NRF1: variants seen among roughly 807,000 people sequenced by gnomAD.
The protein encoded by NRF1 is alpha palindromic-binding protein.
A neutral mutation model predicts 58.5 loss-of-function variants in NRF1; 5 were observed. That is an observed-to-expected ratio of 0.09 (90% CI 0.04 to 0.18). NRF1 has a LOEUF of 0.18. NRF1 is among the 10% of genes least tolerant of loss of function. The pLI is 1.00. For synonymous variants in NRF1, 224 were observed against 246.7 expected (o/e 0.91, Z 0.86); for missense variants, 288 against 657.7 (o/e 0.44, Z 6.15).
At chr7:129,678,425 T>G (rs1349735465) in intron 4 of NRF1, among the ~76,000 whole-genome samples, 1 of 152,212 alleles carries the variant, frequency 6.6e-6, no homozygotes, top group Non-Finnish European at 1.5e-5. Flanking sequence ...AAATGACATT[T>G]ATTAGATGTC....
intron 4 of NRF1, among the ~76,000 whole-genome samples, chr7:129,683,735 A>T (rs1802381926): frequency 6.8e-6 from 1 of 147,978 alleles, no homozygotes; most frequent in Non-Finnish European, 1.5e-5. Context: ...CCCAGGTTCA[A>T]GCAATTCTCT....
At position 129,643,471 on chromosome 7, in the gene NRF1, AT is replaced by A. The variant is rs372744564; in HGVS notation, c.-6-13872del. Among the ~76,000 whole-genome samples the A allele has an allele frequency of 7.1e-3, 1,077 of 152,284 alleles. 5 individuals are homozygous for A. The highest frequency in any genetic ancestry group is 0.012 in the Admixed American group (190 of 15,294). Reference sequence around the variant, plus strand: ...CTGCTATCACACATGGCAACTACTTATTTGATTTTTGGTAATTTGGGAGCAG... The same window carrying A: ...CTGCTATCACACATGGCAACTACTTATTGATTTTTGGTAATTTGGGAGCAG... On this transcript the variant is annotated intron_variant, in intron 1 of 10. Coordinates refer to ENST00000393232, the MANE Select transcript of NRF1 (RefSeq NM_005011.5).
rs1336740703 is a variant in NRF1, at chr7:129,711,538, G to A, written c.1027G>A (p.Val343Ile). ...TTCAGAATTGCCAACCACGGTCACCGTTGCCCAAGTGAATTATTCTGCCGT... is the reference window on the plus strand; with the variant it reads ...TTCAGAATTGCCAACCACGGTCACCATTGCCCAAGTGAATTATTCTGCCGT... ...DASELPTTVTVAQVNYSAVAD... is the reference protein window; with the variant it reads ...DASELPTTVTIAQVNYSAVAD... Residue 343 changes from valine to isoleucine, a missense_variant, in exon 8 of 11, where the codon GTT (valine) becomes ATT (isoleucine). Around this residue, in one of 3 missense-constraint regions of NRF1, gnomAD observed 212 missense variants for 559.7 expected, o/e 0.38. Coordinates refer to ENST00000393232, the MANE Select transcript of NRF1 (RefSeq NM_005011.5). 1 of 1,612,404 alleles carries A rather than the reference G, an allele frequency of 6.2e-7. No homozygotes were observed.
In NRF1 at chr7:129,634,042, A is replaced by AAATTT. The variant is rs1562954898; in HGVS notation, c.-7+22218_-7+22219insAATTT. On this transcript the variant is annotated intron_variant, in intron 1 of 10. Transcript: ENST00000393232. ...TACATCTGTATTTAAAAAAAAAAAA[A>AAATTT]GATATATATATATATATATACACAC... 8.4e-3 allele frequency among the ~76,000 whole-genome samples: 766 copies of AAATTT among 91,350 alleles called. 8 individuals carry two copies. The highest frequency in any genetic ancestry group is 0.029 in the African/African-American group (742 of 25,370). 59.9% of individuals were successfully genotyped at this position (91,350 alleles called of 152,430 possible).
intron 5 of NRF1, among the ~76,000 whole-genome samples, chr7:129,704,094 CGAGAG>C (rs1487966932): frequency 7.1e-6 from 1 of 141,668 alleles, no homozygotes; most frequent in Non-Finnish European, 1.5e-5. Flanking sequence ...AGTGCATGTG[CGAGAG>C]GGAGCTGCTT....
At chr7:129,676,908 T>C (rs149434972) in intron 3 of NRF1, among the ~76,000 whole-genome samples, 38 of 151,608 alleles carry the variant, frequency 2.5e-4, no homozygotes, top group African/African-American at 8.0e-4. Context: ...CAATGAGATA[T>C]AAACAATCAA....
intron 10 of NRF1, among the ~76,000 whole-genome samples, chr7:129,753,679 A>G (rs949143078): frequency 1.3e-5 from 2 of 151,936 alleles, no homozygotes; most frequent in African/African-American, 4.8e-5. Context: ...CCTTTAAGCC[A>G]TCCTTTCTAC....
chr7:129,730,631 G>A lies in NRF1; in HGVS notation c.1348+3266G>A, dbSNP rs371141519. Among the ~76,000 whole-genome samples, 191 of 152,158 alleles carry A rather than the reference G, an allele frequency of 1.3e-3. 1 individual carries two copies. The highest frequency in any genetic ancestry group is 4.3e-3 in the African/African-American group (179 of 41,522). On this transcript the variant is annotated intron_variant, in intron 10 of 10. Transcript: ENST00000393232. ...TAACCATTGGGAAGTGGCGCGGGCG[G>A]GTGAGGTTATGAAGCAGTATCCTAG...
intron 10 of NRF1, among the ~76,000 whole-genome samples, chr7:129,731,064 G>A (rs1803565905): frequency 6.6e-6 from 1 of 152,052 alleles, no homozygotes; most frequent in Non-Finnish European, 1.5e-5. Context: ...CTGAGGTCAG[G>A]AGTTTGAGAC....
At chr7:129,622,651 C>T (rs931300004) in intron 1 of NRF1, among the ~76,000 whole-genome samples, 7 of 151,088 alleles carry the variant, frequency 4.6e-5, no homozygotes, top group African/African-American at 1.7e-4. Context: ...CTCACTGCAA[C>T]CTCTGGCTCC....
intron 10 of NRF1, among the ~76,000 whole-genome samples, chr7:129,735,644 G>A (rs1283937124): frequency 1.3e-5 from 2 of 151,876 alleles, no homozygotes; most frequent in East Asian, 1.9e-4. Context: ...CGTGTCCCAC[G>A]TTCTGGGCTG....
intron 10 of NRF1, among the ~76,000 whole-genome samples, chr7:129,739,518 C>T (rs771610912): frequency 2.0e-5 from 3 of 148,970 alleles, no homozygotes; most frequent in Non-Finnish European, 4.4e-5. Context: ...CTTCTCAGCT[C>T]ATAAACAGCA....
chr7:129,656,903 A>T (rs1277306092), intron 1 of NRF1, among the ~76,000 whole-genome samples: 1 of 152,130 alleles, frequency 6.6e-6, no homozygotes, highest in African/African-American at 2.4e-5. Flanking sequence ...CAGAAAGACC[A>T]ATTTGAATTT....
At chr7:129,665,524 T>G (rs1230401157) in intron 2 of NRF1, among the ~76,000 whole-genome samples, 2 of 152,242 alleles carry the variant, frequency 1.3e-5, no homozygotes, top group African/African-American at 4.8e-5. Flanking sequence ...AAAGTTTATT[T>G]GTAGTGCAAC....
chr7:129,618,877 G>A (rs928771935), intron 1 of NRF1, among the ~76,000 whole-genome samples: 12 of 152,030 alleles, frequency 7.9e-5, no homozygotes, highest in Non-Finnish European at 1.5e-4. Flanking sequence ...TTACAACCTG[G>A]ATGCAGTTTT....
chr7:129,632,651 A>G (rs368425847), intron 1 of NRF1, among the ~76,000 whole-genome samples: 1 of 152,206 alleles, frequency 6.6e-6, no homozygotes, highest in Non-Finnish European at 1.5e-5. Flanking sequence ...AAAAAAAACA[A>G]TGTTTGGATT....
At chr7:129,754,651 T>G (rs13438321) in intron 10 of NRF1, among the ~76,000 whole-genome samples, 24,321 of 151,724 alleles carry the variant, frequency 0.16, 2,043 homozygotes, top group African/African-American at 0.22. Flanking sequence ...CGAATAACAA[T>G]GTAGTCTGTG....
At chr7:129,640,362 T>G (rs978006845) in intron 1 of NRF1, among the ~76,000 whole-genome samples, 1 of 151,926 alleles carries the variant, frequency 6.6e-6, no homozygotes, top group Admixed American at 6.6e-5. Flanking sequence ...CAAAAAAATT[T>G]TTTTAATTAG....
chr7:129,681,597 A>T (rs1367132383), intron 4 of NRF1, among the ~76,000 whole-genome samples: 1 of 152,154 alleles, frequency 6.6e-6, no homozygotes, highest in Admixed American at 6.5e-5. Flanking sequence ...ATTTAGAGAC[A>T]AGGTCGCACT....
Sources: allele counts gnomAD v4.1 joint callset (sites outside exome capture counted in the v4.1 genomes callset), GRCh38; gene constraint gnomAD v4.1.1; regional missense constraint gnomAD v4.1.1; transcripts MANE v1.5; gene names NCBI Gene and HGNC (gene_info 2026-07-23, HGNC 2026-07-21).